DAAM2: variants seen among roughly 807,000 people sequenced by gnomAD.
DAAM2 encodes the protein disheveled-associated activator of morphogenesis 2.
Under a neutral mutation model 120.7 loss-of-function variants are expected in DAAM2, and 39 were observed. The ratio of observed to expected loss-of-function variants is 0.32; its 90% CI spans 0.25 to 0.42. The LOEUF is 0.42. Among genes scored for constraint, DAAM2 ranks in the 10% least tolerant of loss-of-function variants. The pLI is 1.00. For missense variants in DAAM2, 1,283 were observed against 1,401.7 expected, an observed-to-expected ratio of 0.92 and a Z score of 1.35; for synonymous variants, 488 against 524.9, an observed-to-expected ratio of 0.93 and a Z score of 0.96.
chr6:39,865,045 G>A lies in DAAM2; in HGVS notation c.399G>A (p.Leu133=). 1 of 1,598,848 alleles carries A rather than the reference G, an allele frequency of 6.3e-7. No individual in the cohort carries two copies. The highest frequency in any genetic ancestry group is 8.5e-7 in the Non-Finnish European group (1 of 1,169,922). Residue 133 remains leucine, a synonymous_variant, in exon 5 of 25, where the codon CTG becomes CTA. Coordinates refer to ENST00000274867, the MANE Select transcript of DAAM2 (RefSeq NM_001201427.2). Reference sequence around the variant, plus strand: ...TGAGGAACCAAGTCGTGGAAGACCTGAAGACAGCCCTCCGGACACAGCCTA... The same window carrying A: ...TGAGGAACCAAGTCGTGGAAGACCTAAAGACAGCCCTCCGGACACAGCCTA... ...TEMRNQVVED[L]KTALRTQPMR...
At chr6:39,813,092 G>C (rs971524940) in intron 1 of DAAM2, among the ~76,000 whole-genome samples, 2 of 152,018 alleles carry the variant, frequency 1.3e-5, no homozygotes, top group Admixed American at 6.6e-5. Flanking sequence ...GTTCATCTGA[G>C]GGCACTAACC....
chr6:39,818,565 G>GT (rs763567686), intron 1 of DAAM2, among the ~76,000 whole-genome samples: 2 of 152,220 alleles, frequency 1.3e-5, no homozygotes, highest in Non-Finnish European at 2.9e-5. Flanking sequence ...AAGAACATGG[G>GT]TTGTAGCATG....
intron 1 of DAAM2, among the ~76,000 whole-genome samples, chr6:39,794,435 A>G (rs1018285403): frequency 1.3e-5 from 2 of 152,176 alleles, no homozygotes; most frequent in South Asian, 4.1e-4. Context: ...CTTTTCCTCC[A>G]GCGCCTCGGA....
chr6:39,828,677 C>T (rs955054060), intron 1 of DAAM2, among the ~76,000 whole-genome samples: 9 of 151,444 alleles, frequency 5.9e-5, no homozygotes, highest in African/African-American at 1.7e-4. Context: ...ATTCTCCTTC[C>T]TCAGCCTCCC....
chr6:39,891,052 C>T (rs1765679725), intron 17 of DAAM2, among the ~76,000 whole-genome samples: 4 of 150,020 alleles, frequency 2.7e-5, no homozygotes, highest in Admixed American at 2.7e-4. Flanking sequence ...ATGATCATAC[C>T]ACTGCATTCT....
chr6:39,834,621 C>T (rs1763037379), intron 1 of DAAM2, among the ~76,000 whole-genome samples: 1 of 152,186 alleles, frequency 6.6e-6, no homozygotes, highest in South Asian at 2.1e-4. Flanking sequence ...TGGGCACCAC[C>T]TAAAAATAGG....
chr6:39,855,895 G>C (rs113049304), intron 1 of DAAM2, among the ~76,000 whole-genome samples: 5 of 152,298 alleles, frequency 3.3e-5, no homozygotes, highest in African/African-American at 1.2e-4. Context: ...CAGGGAATAG[G>C]AGCCCGTCCA....
Position 39,871,590 on chromosome 6 carries a change from T to A in DAAM2, c.1044+18T>A. The A allele has an allele frequency of 6.5e-7, 1 of 1,548,554 alleles. No homozygotes were observed. The highest frequency in any genetic ancestry group is 8.7e-7 in the Non-Finnish European group (1 of 1,146,126). On this transcript the variant is annotated intron_variant, in intron 9 of 24. Coordinates refer to ENST00000274867, the MANE Select transcript of DAAM2 (RefSeq NM_001201427.2). Reference sequence around the variant, plus strand: ...TTGACATGGTGAGGAGCCAGCAGGGTGGAGCGATTGCAATGGGGTAGTAGG... The same window carrying A: ...TTGACATGGTGAGGAGCCAGCAGGGAGGAGCGATTGCAATGGGGTAGTAGG...
intron 16 of DAAM2, 141 bp downstream of exon 16, chr6:39,887,733 A>G: frequency 1.6e-6 from 1 of 615,356 alleles, no homozygotes; most frequent in South Asian, 1.9e-5. Context: ...TCTCTCGGGA[A>G]CCTGCCTTGA....
intron 1 of DAAM2, among the ~76,000 whole-genome samples, chr6:39,835,678 C>T (rs754335087): frequency 6.6e-5 from 10 of 152,192 alleles, no homozygotes; most frequent in Non-Finnish European, 1.0e-4. Flanking sequence ...TGAGGGGATG[C>T]GCATTGAGCG....
chr6:39,887,786 G>A, intron 16 of DAAM2, 194 bp downstream of exon 16: 4 of 540,756 alleles, frequency 7.4e-6, no homozygotes, highest in South Asian at 4.0e-5. Context: ...GCCCAGTCAC[G>A]AGGCCCTTGC....
chr6:39,818,066 C>G (rs1229880330), intron 1 of DAAM2, among the ~76,000 whole-genome samples: 1 of 151,076 alleles, frequency 6.6e-6, no homozygotes, highest in Non-Finnish European at 1.5e-5. Context: ...GTAGTCCTAG[C>G]TATTTGGGAG....
chr6:39,897,287 G>C lies in DAAM2; in HGVS notation c.2618+5G>C. The C allele has an allele frequency of 6.4e-7, 1 of 1,565,986 alleles. No individual in the cohort carries two copies. The highest frequency in any genetic ancestry group is 2.2e-5 in the East Asian group (1 of 44,574). ...TCCAGAAGCTGCCAAAGTCAAGTGA[G>C]GGTTCTCTCCAAGACTTCCTTCTCC... On this transcript the variant is annotated splice_donor_5th_base_variant and intron_variant, in intron 21 of 24. Coordinates refer to ENST00000274867, the MANE Select transcript of DAAM2 (RefSeq NM_001201427.2).
At chr6:39,839,175 G>A (rs1001648214) in intron 1 of DAAM2, among the ~76,000 whole-genome samples, 3 of 151,954 alleles carry the variant, frequency 2.0e-5, no homozygotes, top group African/African-American at 4.8e-5. Context: ...TGAGGGATCC[G>A]CTCATAACTT....
At chr6:39,899,179 G>T (rs551986899) in intron 22 of DAAM2, among the ~76,000 whole-genome samples, 2 of 152,204 alleles carry the variant, frequency 1.3e-5, no homozygotes, top group East Asian at 3.8e-4. Context: ...GGAGTGGAAT[G>T]AACCATACAT....
chr6:39,857,050 A>G (rs1376414711), intron 2 of DAAM2, among the ~76,000 whole-genome samples: 1 of 152,242 alleles, frequency 6.6e-6, no homozygotes, highest in East Asian at 1.9e-4. Context: ...CACCCGGACC[A>G]GCCTGTGCTG....
At chr6:39,799,287 C>CT in intron 1 of DAAM2, among the ~76,000 whole-genome samples, 1 of 152,132 alleles carries the variant, frequency 6.6e-6, no homozygotes, top group East Asian at 1.9e-4. Context: ...CTTCTGTAGG[C>CT]TTTTCATGGA....
chr6:39,853,806 C>T (rs1003035911), intron 1 of DAAM2, among the ~76,000 whole-genome samples: 1 of 152,234 alleles, frequency 6.6e-6, no homozygotes, highest in African/African-American at 2.4e-5. Flanking sequence ...GTGCCCTGAA[C>T]AAAGCAGTCT....
intron 1 of DAAM2, among the ~76,000 whole-genome samples, chr6:39,802,262 A>G (rs192669870): frequency 4.0e-4 from 61 of 152,344 alleles, no homozygotes; most frequent in Non-Finnish European, 7.8e-4. Flanking sequence ...CTCAACTGTT[A>G]GAGGCAGCAT....
Sources: gnomAD v4.1 joint callset for allele counts (sites outside exome capture counted in the v4.1 genomes callset) on GRCh38, gnomAD v4.1.1 for gene constraint, MANE v1.5 for transcripts, NCBI Gene and HGNC (gene_info 2026-07-23, HGNC 2026-07-21) for gene names.